ZDHHC2: variants seen among roughly 807,000 people sequenced by gnomAD.
The protein encoded by ZDHHC2 is zDHHC palmitoyltransferase 2.
Under a neutral mutation model 55.6 loss-of-function variants are expected in ZDHHC2, and 51 were observed. The observed-to-expected ratio is 0.92, with a 90% CI of 0.73 to 1.16. ZDHHC2 has a LOEUF of 1.16. Ranked by LOEUF, ZDHHC2 falls within the 50% of genes most tolerant of loss-of-function variation. The probability of loss-of-function intolerance (pLI) is 0.00; values close to 1 mark genes in which losing one functional copy is unlikely to be tolerated. For missense variants in ZDHHC2, 491 were observed against 442.4 expected, an observed-to-expected ratio of 1.11 and a Z score of -0.99; for synonymous variants, 199 against 152.9, an observed-to-expected ratio of 1.30 and a Z score of -2.22.
chr8:17,203,061 G>GTAT (rs1462645107), intron 6 of ZDHHC2, among the ~76,000 whole-genome samples: 1 of 41,240 alleles, frequency 2.4e-5, no homozygotes, highest in African/African-American at 8.1e-5. Context: ...GTTGTCCAAA[G>GTAT]TCTTTTTTTT....
At chr8:17,190,666 G>A (rs1015588509) in intron 3 of ZDHHC2, among the ~76,000 whole-genome samples, 4 of 151,864 alleles carry the variant, frequency 2.6e-5, no homozygotes, top group Admixed American at 2.0e-4. Context: ...AGAAAAATCC[G>A]TTACACCAAT....
chr8:17,188,221 C>T (rs1382844188), intron 3 of ZDHHC2, among the ~76,000 whole-genome samples: 1 of 152,158 alleles, frequency 6.6e-6, no homozygotes, highest in Non-Finnish European at 1.5e-5. Flanking sequence ...CCTGGCCTAC[C>T]TTTCCTTCCC....
chr8:17,187,262 T>C (rs142682303), intron 3 of ZDHHC2, among the ~76,000 whole-genome samples: 2 of 152,364 alleles, frequency 1.3e-5, no homozygotes, highest in African/African-American at 4.8e-5. Flanking sequence ...ATTCTGTTTG[T>C]TTCTGGATCA....
At chr8:17,214,474 A>G (rs529594863) in intron 10 of ZDHHC2, among the ~76,000 whole-genome samples, 1 of 152,300 alleles carries the variant, frequency 6.6e-6, no homozygotes, top group East Asian at 1.9e-4. Flanking sequence ...CATCACATTC[A>G]TATTTTCTTC....
intron 2 of ZDHHC2, among the ~76,000 whole-genome samples, chr8:17,186,091 TG>T (rs1227632447): frequency 6.6e-6 from 1 of 152,226 alleles, no homozygotes; most frequent in Non-Finnish European, 1.5e-5. Context: ...TGTCTACAGA[TG>T]GGAGGCTTTT....
chr8:17,205,588 C>CTTGAA, intron 6 of ZDHHC2, 67 bp from the exon 7 acceptor site: 2 of 1,455,032 alleles, frequency 1.4e-6, no homozygotes, highest in South Asian at 3.2e-5. Flanking sequence ...TAAACACTTG[C>CTTGAA]TTGAGCATAT....
chr8:17,206,817 T>C (rs1807122449), intron 7 of ZDHHC2, among the ~76,000 whole-genome samples: 1 of 152,220 alleles, frequency 6.6e-6, no homozygotes, highest in Non-Finnish European at 1.5e-5. Flanking sequence ...AAATTATCTT[T>C]ATTATGGTAA....
chr8:17,210,940 A>T (rs1727027668), intron 10 of ZDHHC2, among the ~76,000 whole-genome samples: 1 of 152,058 alleles, frequency 6.6e-6, no homozygotes, highest in Non-Finnish European at 1.5e-5. Flanking sequence ...TTTAATGTAT[A>T]TTATGGACTT....
At chr8:17,208,123 C>A in intron 8 of ZDHHC2, 31 bp downstream of exon 8, 1 of 1,518,334 alleles carries the variant, frequency 6.6e-7, no homozygotes, top group Non-Finnish European at 8.9e-7. Context: ...GTTGACAGAA[C>A]TTTAAATACG....
At chr8:17,184,849 T>A (rs898651242) in intron 2 of ZDHHC2, 34 bp downstream of exon 2, 5 of 1,507,348 alleles carry the variant, frequency 3.3e-6, no homozygotes, top group Non-Finnish European at 4.4e-6. Flanking sequence ...ATAGATTTTT[T>A]AAATAGTTTG....
At chr8:17,197,253 G>T (rs1408139509) in intron 4 of ZDHHC2, among the ~76,000 whole-genome samples, 1 of 152,092 alleles carries the variant, frequency 6.6e-6, no homozygotes, top group African/African-American at 2.4e-5. Context: ...AAATAAATTG[G>T]TTTAATTGAG....
intron 1 of ZDHHC2, among the ~76,000 whole-genome samples, chr8:17,173,309 C>G (rs867116625): frequency 2.0e-5 from 3 of 152,174 alleles, no homozygotes; most frequent in African/African-American, 7.2e-5. Context: ...AGACTGTCTT[C>G]TCAGCATTTG....
chr8:17,170,095 A>C (rs1351687475), intron 1 of ZDHHC2, among the ~76,000 whole-genome samples: 4 of 152,202 alleles, frequency 2.6e-5, no homozygotes, highest in Admixed American at 2.6e-4. Context: ...AGGTGAATGC[A>C]GTGTTGGGCG....
intron 6 of ZDHHC2, 86 bp downstream of exon 6, chr8:17,198,499 C>A: frequency 1.6e-6 from 2 of 1,258,178 alleles, no homozygotes; most frequent in Non-Finnish European, 2.2e-6. Context: ...TCTTTTCACA[C>A]ATGAAATATT....
chr8:17,199,577 T>TTCG (rs1563161480), intron 6 of ZDHHC2, among the ~76,000 whole-genome samples: 12 of 41,996 alleles, frequency 2.9e-4, no homozygotes, highest in South Asian at 1.5e-3. Context: ...CGTCTTTGTC[T>TTCG]TCTTCTTCTT....
chr8:17,179,448 G>A (rs190204103), intron 1 of ZDHHC2, among the ~76,000 whole-genome samples: 1 of 151,972 alleles, frequency 6.6e-6, no homozygotes. Context: ...TCACTCTATC[G>A]CACAGGCTGG....
intron 1 of ZDHHC2, chr8:17,162,998 A>C (rs961277508): frequency 6.6e-6 from 1 of 152,232 alleles, no homozygotes; most frequent in African/African-American, 2.4e-5. Context: ...CTCTGCTATG[A>C]AGTAAGAGGT....
chr8:17,218,622 A>G (rs1436972709), intron 12 of ZDHHC2, among the ~76,000 whole-genome samples: 1 of 152,192 alleles, frequency 6.6e-6, no homozygotes, highest in Non-Finnish European at 1.5e-5. Context: ...TTGATGGATA[A>G]GTGACAAAAT....
intron 1 of ZDHHC2, among the ~76,000 whole-genome samples, chr8:17,158,639 AAGTT>A (rs1297010661): frequency 6.6e-6 from 1 of 152,256 alleles, no homozygotes; most frequent in East Asian, 1.9e-4. Flanking sequence ...TACTTTCTGT[AAGTT>A]TAAGACAAAT....
Sources: gnomAD v4.1 joint callset for allele counts (sites outside exome capture counted in the v4.1 genomes callset) on GRCh38, gnomAD v4.1.1 for gene constraint, MANE v1.5 for transcripts, NCBI Gene and HGNC (gene_info 2026-07-23, HGNC 2026-07-21) for gene names.